THSD7B: variants seen among roughly 807,000 people sequenced by gnomAD.
THSD7B encodes thrombospondin type 1 domain containing 7B.
THSD7B carries 138 observed loss-of-function variants against 213.6 expected under a neutral mutation model. The ratio of observed to expected loss-of-function variants is 0.65; its 90% confidence interval spans 0.56 to 0.74. The LOEUF (loss-of-function observed/expected upper bound fraction) is 0.74. THSD7B is among the 30% of genes least tolerant of loss of function. THSD7B has a pLI of 0.00. For synonymous variants in THSD7B, 742 were observed against 687.0 expected (o/e 1.08, Z -1.25); for missense variants, 1,931 against 1,991.5 (o/e 0.97, Z 0.58).
chr2:136,845,362 T>C (rs1274681499), intron 1 of THSD7B, among the ~76,000 whole-genome samples: 1 of 152,218 alleles, frequency 6.6e-6, no homozygotes, highest in Non-Finnish European at 1.5e-5. Flanking sequence ...GCCTTGATAC[T>C]AAATTCTGCT....
intron 6 of THSD7B, among the ~76,000 whole-genome samples, chr2:137,164,993 A>T (rs11896679): frequency 1.3e-5 from 2 of 152,062 alleles, no homozygotes. Flanking sequence ...CAAACCTGCA[A>T]GTTGTGTACA....
chr2:137,014,815 T>C (rs58917423), intron 2 of THSD7B, among the ~76,000 whole-genome samples: 11,526 of 152,204 alleles, frequency 0.076, 479 homozygotes, highest in East Asian at 0.15. Context: ...TCTGTGCTCT[T>C]GTCCAACTAG....
chr2:137,587,624 A>G (rs758303426), intron 17 of THSD7B, among the ~76,000 whole-genome samples: 4 of 152,184 alleles, frequency 2.6e-5, no homozygotes, highest in African/African-American at 9.7e-5. Flanking sequence ...TTGCCTGGGT[A>G]TCAGCAGCGG....
chr2:137,485,504 G>A (rs920547738), intron 15 of THSD7B, among the ~76,000 whole-genome samples: 2 of 152,152 alleles, frequency 1.3e-5, no homozygotes, highest in Non-Finnish European at 1.5e-5. Context: ...TGGCGATGCG[G>A]GCCAAATCTA....
At chr2:137,491,607 C>A (rs1470617083) in intron 15 of THSD7B, among the ~76,000 whole-genome samples, 1 of 152,068 alleles carries the variant, frequency 6.6e-6, no homozygotes, top group East Asian at 1.9e-4. Context: ...TGGGGTTGGC[C>A]CAAAGGCTGA....
chr2:137,058,679 G>A (rs771254095), intron 3 of THSD7B, among the ~76,000 whole-genome samples: 2 of 152,046 alleles, frequency 1.3e-5, no homozygotes, highest in African/African-American at 4.8e-5. Flanking sequence ...TTTATGTATC[G>A]AAATTCTAAC....
At chr2:137,099,825 A>T (rs915983066) in intron 4 of THSD7B, among the ~76,000 whole-genome samples, 1 of 152,338 alleles carries the variant, frequency 6.6e-6, no homozygotes, top group South Asian at 2.1e-4. Context: ...TACACAGAAA[A>T]GCCAACGTGT....
chr2:136,873,405 T>A (rs1259987741), intron 1 of THSD7B, among the ~76,000 whole-genome samples: 2 of 152,172 alleles, frequency 1.3e-5, no homozygotes, highest in Non-Finnish European at 2.9e-5. Flanking sequence ...AGGAAGAGGC[T>A]GGTGGTTCAA....
At chr2:137,223,441 C>T (rs1681418057) in intron 7 of THSD7B, among the ~76,000 whole-genome samples, 1 of 152,086 alleles carries the variant, frequency 6.6e-6, no homozygotes, top group Non-Finnish European at 1.5e-5. Context: ...AGAGGAGAAA[C>T]ATTGAAAACC....
intron 9 of THSD7B, among the ~76,000 whole-genome samples, chr2:137,241,898 G>C (rs1681914813): frequency 6.9e-6 from 1 of 145,768 alleles, no homozygotes; most frequent in Non-Finnish European, 1.5e-5. Context: ...GACAGAGTGA[G>C]ACTCCATCTC....
At chr2:137,662,175 G>A (rs921800554) in intron 25 of THSD7B, among the ~76,000 whole-genome samples, 1 of 145,602 alleles carries the variant, frequency 6.9e-6, no homozygotes, top group Non-Finnish European at 1.5e-5. Flanking sequence ...CCATTCTCCT[G>A]CCTCAGCCTC....
In THSD7B at chr2:136,832,087, C is replaced by G. The variant is rs1053463113; in HGVS notation, c.-35-50057C>G. ...TGTATTAGCAATTTGACCATAGTAC[C>G]TTATACCCAGTAGGCTATAATAAGT... On this transcript the variant is annotated intron_variant, in intron 1 of 27. Coordinates refer to ENST00000409968, the MANE Select transcript of THSD7B (RefSeq NM_001316349.2). 7.9e-5 allele frequency among the ~76,000 whole-genome samples: 12 copies of G among 151,950 alleles called. No homozygotes were observed. In the East Asian group the frequency reaches 2.3e-3, roughly 29 times the overall value.
At chr2:136,805,792 A>G (rs1682270150) in intron 1 of THSD7B, among the ~76,000 whole-genome samples, 1 of 151,974 alleles carries the variant, frequency 6.6e-6, no homozygotes, top group South Asian at 2.1e-4. Flanking sequence ...GTCTTTCCTC[A>G]CCTTGTTCAT....
At chr2:136,891,633 T>G (rs7588481) in intron 2 of THSD7B, among the ~76,000 whole-genome samples, 25,056 of 152,222 alleles carry the variant, frequency 0.16, 2,524 homozygotes, top group East Asian at 0.42. Context: ...GCCAGGCACC[T>G]TTCTTTCATA....
At chr2:137,132,718 A>G (rs1053963720) in intron 5 of THSD7B, among the ~76,000 whole-genome samples, 2 of 152,160 alleles carry the variant, frequency 1.3e-5, no homozygotes, top group African/African-American at 4.8e-5. Context: ...TCAGACAGTG[A>G]TTTCCTCTTG....
At position 137,473,240 on chromosome 2, in the gene THSD7B, CAA is replaced by C. The variant is rs1410077901; in HGVS notation, c.3138+22219_3138+22220del. ...TGTTTGTTTGTTTGTTTGCTTGAGA[CAA>C]AGAGTCTTGCTCTGTTGCCCAGGCT... is the stretch of plus-strand genomic sequence containing the variant. On this transcript the variant is annotated intron_variant, in intron 15 of 27. Coordinates refer to ENST00000409968, the MANE Select transcript of THSD7B (RefSeq NM_001316349.2). 1.3e-5 allele frequency among the ~76,000 whole-genome samples: 2 copies of C among 151,766 alleles called. 1 individual carries two copies. Among genetic ancestry groups the C allele is most frequent in the Middle Eastern group, 6.3e-3 (2 of 316 alleles).
At chr2:137,375,937 A>G (rs995690279) in intron 12 of THSD7B, among the ~76,000 whole-genome samples, 1 of 152,228 alleles carries the variant, frequency 6.6e-6, no homozygotes, top group Non-Finnish European at 1.5e-5. Context: ...CTGATCTACA[A>G]AAAGGAAATC....
chr2:137,197,989 T>A (rs952491304), intron 7 of THSD7B, among the ~76,000 whole-genome samples: 1 of 151,918 alleles, frequency 6.6e-6, no homozygotes, highest in Admixed American at 6.6e-5. Context: ...TGTGGGGAGG[T>A]TGGTGAGTTC....
Position 136,819,421 on chromosome 2 carries a change from T to G in THSD7B, c.-36+53734T>G, listed in dbSNP as rs1682535191. On this transcript the variant is annotated intron_variant, in intron 1 of 27. Coordinates refer to ENST00000409968, the MANE Select transcript of THSD7B (RefSeq NM_001316349.2). ...TCCAGGTGGATTTGTGACCCAGACT[T>G]TATCAATCCAAACACCCTCCCCCTT... is the stretch of plus-strand genomic sequence containing the variant. Among the ~76,000 whole-genome samples, 2 of 152,164 alleles carry G rather than the reference T, an allele frequency of 1.3e-5. 1 individual carries two copies. Among genetic ancestry groups the G allele is most frequent in the South Asian group, 4.1e-4 (2 of 4,828 alleles).
Sources: gnomAD v4.1 joint callset for allele counts (sites outside exome capture counted in the v4.1 genomes callset) on GRCh38, gnomAD v4.1.1 for gene constraint, MANE v1.5 for transcripts, NCBI Gene and HGNC (gene_info 2026-07-23, HGNC 2026-07-21) for gene names.